TMTC4: variants seen among roughly 807,000 people sequenced by gnomAD.
TMTC4 encodes protein O-mannosyl-transferase TMTC4.
A neutral mutation model predicts 86.0 loss-of-function variants in TMTC4; 65 were observed. That is an observed-to-expected ratio of 0.76 (90% CI 0.62 to 0.93). TMTC4 has a LOEUF of 0.93. Ranked by LOEUF, TMTC4 falls within the 40% of genes least tolerant of loss-of-function variation. The probability of loss-of-function intolerance (pLI) is 0.00; values close to 1 mark genes in which losing one functional copy is unlikely to be tolerated. For synonymous variants in TMTC4, 379 were observed against 382.5 expected, an observed-to-expected ratio of 0.99 and a Z score of 0.11; for missense variants, 866 against 948.1, an observed-to-expected ratio of 0.91 and a Z score of 1.14.
At chr13:100,608,343 TGAG>T (rs1470679131) in intron 17 of TMTC4, among the ~76,000 whole-genome samples, 23 of 151,518 alleles carry the variant, frequency 1.5e-4, no homozygotes, top group Non-Finnish European at 1.5e-5. Context: ...CTCTGCAGGG[TGAG>T]GAGGAGGCCA....
chr13:100,651,829 G>T (rs139551010), intron 6 of TMTC4, among the ~76,000 whole-genome samples: 1 of 152,102 alleles, frequency 6.6e-6, no homozygotes, highest in East Asian at 1.9e-4. Context: ...CAAAGACCAG[G>T]GTTACGTTAA....
chr13:100,663,516 AT>A (rs1402397438), intron 4 of TMTC4, among the ~76,000 whole-genome samples: 1 of 152,170 alleles, frequency 6.6e-6, no homozygotes, highest in Non-Finnish European at 1.5e-5. Context: ...AAGATATAAT[AT>A]TCCACACACT....
chr13:100,607,190 C>T (rs901735483), intron 17 of TMTC4, among the ~76,000 whole-genome samples: 36 of 152,288 alleles, frequency 2.4e-4, no homozygotes, highest in African/African-American at 7.7e-4. Context: ...TCACTCCATC[C>T]ACCTTCGCAT....
intron 15 of TMTC4, 67 bp from the exon 16 acceptor site, chr13:100,614,497 TAAAA>T: frequency 1.4e-5 from 11 of 768,334 alleles, no homozygotes; most frequent in Non-Finnish European, 1.7e-5. Flanking sequence ...AAGACATTAT[TAAAA>T]AAAAAAAAAA....
At chr13:100,674,390 G>C in intron 1 of TMTC4, 1 of 948,300 alleles carries the variant, frequency 1.1e-6, no homozygotes, top group Non-Finnish European at 1.3e-6. Context: ...CGCAGGCGCC[G>C]GGTGCGCCCG....
chr13:100,621,530 A>G (rs1268675545), intron 15 of TMTC4, among the ~76,000 whole-genome samples: 1 of 152,108 alleles, frequency 6.6e-6, no homozygotes, highest in African/African-American at 2.4e-5. Context: ...GGTTCACGCC[A>G]TTCTCCTGCC....
chr13:100,650,638 G>A (rs1274113691), intron 6 of TMTC4, among the ~76,000 whole-genome samples: 5 of 152,242 alleles, frequency 3.3e-5, no homozygotes, highest in African/African-American at 4.8e-5. Context: ...CGACCAAGCC[G>A]TGCTTCTATG....
chr13:100,628,964 C>T (rs1257337230), intron 12 of TMTC4, among the ~76,000 whole-genome samples: 2 of 152,098 alleles, frequency 1.3e-5, no homozygotes, highest in African/African-American at 4.8e-5. Flanking sequence ...GCGTGTCCAA[C>T]ATGGTGAAAC....
intron 5 of TMTC4, among the ~76,000 whole-genome samples, chr13:100,661,822 T>C (rs1293795020): frequency 6.6e-6 from 1 of 152,168 alleles, no homozygotes; most frequent in African/African-American, 2.4e-5. Flanking sequence ...AGAAGCAACA[T>C]GCAATTGGTT....
chr13:100,635,389 T>G (rs960981517), intron 10 of TMTC4, among the ~76,000 whole-genome samples, 194 bp from the exon 11 acceptor site: 52 of 152,172 alleles, frequency 3.4e-4, no homozygotes, highest in African/African-American at 1.2e-3. Context: ...GGCACAAAAA[T>G]ATTCCTCTGG....
intron 3 of TMTC4, among the ~76,000 whole-genome samples, chr13:100,666,730 C>A (rs957959922): frequency 6.6e-6 from 1 of 152,320 alleles, no homozygotes; most frequent in South Asian, 2.1e-4. Context: ...TGGTGGCTTG[C>A]GCTTGCTATC....
chr13:100,652,229 A>G (rs941782564), intron 6 of TMTC4, among the ~76,000 whole-genome samples: 4 of 152,202 alleles, frequency 2.6e-5, no homozygotes, highest in South Asian at 2.1e-4. Context: ...CTGTAATCCC[A>G]GCACTTTGGG....
At chr13:100,669,286 G>A (rs1001998870) in intron 2 of TMTC4, among the ~76,000 whole-genome samples, 2 of 152,062 alleles carry the variant, frequency 1.3e-5, no homozygotes, top group African/African-American at 4.8e-5. Context: ...TAGCATTCAG[G>A]CACACAGGCC....
intron 5 of TMTC4, among the ~76,000 whole-genome samples, chr13:100,658,794 CATAA>C (rs1885424592): frequency 6.6e-6 from 1 of 152,022 alleles, no homozygotes; most frequent in Admixed American, 6.5e-5. Context: ...TGTTCCTTGA[CATAA>C]AGAAAAACAA....
chr13:100,648,448 T>C (rs909864357), intron 6 of TMTC4, among the ~76,000 whole-genome samples: 18 of 152,236 alleles, frequency 1.2e-4, no homozygotes, highest in African/African-American at 3.6e-4. Flanking sequence ...TTTCTTTTTA[T>C]AACGCGGCTA....
intron 6 of TMTC4, among the ~76,000 whole-genome samples, chr13:100,644,922 C>T (rs1181256781): frequency 1.3e-5 from 2 of 152,012 alleles, no homozygotes; most frequent in Non-Finnish European, 2.9e-5. Flanking sequence ...TCAAGAAACT[C>T]TCCTGCCTCA....
In TMTC4 at chr13:100,656,449, C is replaced by A; in HGVS notation, c.572G>T (p.Arg191Leu). Reference protein sequence around the residue: ...HTECVAGVVGRADLLCALFFL... With the variant: ...HTECVAGVVGLADLLCALFFL... ...GAACAGGGCACACAGGAGGTCTGCA[C>A]GGCCGACAACACCAGCAACCTTAAA... Residue 191 changes from arginine to leucine, a missense_variant, in exon 6 of 19, where the codon CGT becomes CTT. Transcript: ENST00000342624. 6.2e-7 allele frequency: 1 copy of A among 1,609,908 alleles called. No individual in the cohort carries two copies. The highest frequency in any genetic ancestry group is 8.5e-7 in the Non-Finnish European group (1 of 1,178,350).
intron 15 of TMTC4, among the ~76,000 whole-genome samples, chr13:100,615,894 T>C (rs1314279566): frequency 6.6e-6 from 1 of 152,192 alleles, no homozygotes; most frequent in Non-Finnish European, 1.5e-5. Context: ...TTTCAACCCT[T>C]GTTTGCCTCC....
chr13:100,646,241 G>C (rs1294153097), intron 6 of TMTC4, among the ~76,000 whole-genome samples: 1 of 152,192 alleles, frequency 6.6e-6, no homozygotes, highest in African/African-American at 2.4e-5. Flanking sequence ...ACCATGCCTG[G>C]CTCATAGGAG....
Sources: gnomAD v4.1 joint callset for allele counts (sites outside exome capture counted in the v4.1 genomes callset) on GRCh38, gnomAD v4.1.1 for gene constraint, MANE v1.5 for transcripts, NCBI Gene and HGNC (gene_info 2026-07-23, HGNC 2026-07-21) for gene names.